Variants in PLPP4 observed in about 807,000 individuals in gnomAD.
PLPP4 encodes the protein phospholipid phosphatase 4.
A neutral mutation model predicts 32.2 loss-of-function variants in PLPP4; 20 were observed. The ratio of observed to expected loss-of-function variants is 0.62; its 90% CI spans 0.44 to 0.90. The LOEUF is 0.90. Ranked by LOEUF, PLPP4 falls within the 40% of genes least tolerant of loss-of-function variation. PLPP4 has a pLI of 0.00. For missense variants in PLPP4, 257 were observed against 353.1 expected (o/e 0.73, Z 2.18); for synonymous variants, 127 against 133.0 (o/e 0.95, Z 0.31).
chr10:120,497,025 TA>T (rs1278887316), intron 1 of PLPP4, among the ~76,000 whole-genome samples: 1 of 151,946 alleles, frequency 6.6e-6, no homozygotes, highest in East Asian at 1.9e-4. Context: ...GGGATCCTCC[TA>T]GGGGGTAGGA....
chr10:120,588,125 C>T (rs571564243), intron 6 of PLPP4, among the ~76,000 whole-genome samples: 7 of 152,200 alleles, frequency 4.6e-5, no homozygotes, highest in Admixed American at 4.6e-4. Context: ...GAAGTCTGTA[C>T]GGTTCAACAA....
rs553031956 is a variant in PLPP4, at chr10:120,590,894, A to G, written c.*1392A>G. On this transcript the variant is annotated 3_prime_UTR_variant, in exon 7 of 7. Transcript: ENST00000398250. ...AGCTATTCTCGTGCCTCAGCCTCCC[A>G]AGTAGCTAGGACTACAGGTGCCCGC... Among the ~76,000 whole-genome samples, 7 of 150,808 alleles carry G rather than the reference A, an allele frequency of 4.6e-5. No individual in the cohort carries two copies. The East Asian group carries it at 1.4e-3, about 30-fold the overall frequency.
At chr10:120,457,139 C>G (rs1229483274), upstream of PLPP4, 1 of 289,808 alleles carries the variant, frequency 3.5e-6, no homozygotes, top group East Asian at 7.4e-5. Context: ...GAGGTTTAGG[C>G]TGAGCCCTCC....
At position 120,545,185 on chromosome 10, in the gene PLPP4, G is replaced by A. The variant is rs1026202772; in HGVS notation, c.445+24090G>A. 3.3e-5 allele frequency among the ~76,000 whole-genome samples: 5 copies of A among 152,370 alleles called. No individual in the cohort carries two copies. In the East Asian group the frequency reaches 9.6e-4, roughly 29 times the overall value. On this transcript the variant is annotated intron_variant, in intron 5 of 6. Coordinates refer to ENST00000398250, the MANE Select transcript of PLPP4 (RefSeq NM_001030059.3). ...AGCCACTTAGCCAGCACCTGCCATT[G>A]CCCAATTCCAAATCCATTTGCTCTT...
chr10:120,568,077 C>T (rs915682612), intron 5 of PLPP4, among the ~76,000 whole-genome samples: 9 of 152,200 alleles, frequency 5.9e-5, no homozygotes, highest in African/African-American at 2.2e-4. Flanking sequence ...TCTTGAGTTA[C>T]AAAAATAAGG....
intron 5 of PLPP4, among the ~76,000 whole-genome samples, chr10:120,558,304 A>G (rs1301137245): frequency 3.9e-5 from 6 of 151,958 alleles, no homozygotes; most frequent in Non-Finnish European, 8.8e-5. Flanking sequence ...AGGGAGTCAC[A>G]CAGCATATGT....
intron 5 of PLPP4, among the ~76,000 whole-genome samples, chr10:120,536,089 A>G (rs79970748): frequency 0.051 from 7,753 of 152,226 alleles, 234 homozygotes; most frequent in Admixed American, 0.097. Flanking sequence ...TGAAGAATCA[A>G]TATTGTCAAG....
At chr10:120,509,610 A>G (rs1845646067) in intron 2 of PLPP4, among the ~76,000 whole-genome samples, 1 of 152,160 alleles carries the variant, frequency 6.6e-6, no homozygotes, top group South Asian at 2.1e-4. Context: ...ACTCCAACCC[A>G]GGAGCATGGC....
At chr10:120,530,763 T>A (rs569739356) in intron 5 of PLPP4, among the ~76,000 whole-genome samples, 1 of 152,330 alleles carries the variant, frequency 6.6e-6, no homozygotes, top group East Asian at 1.9e-4. Flanking sequence ...TCAGTTGGCA[T>A]TCTCATGGGC....
chr10:120,578,989 AGAAAG>A (rs527710425), intron 6 of PLPP4, among the ~76,000 whole-genome samples: 116 of 152,358 alleles, frequency 7.6e-4, no homozygotes, highest in South Asian at 5.4e-3. Flanking sequence ...ATAAATGCAG[AGAAAG>A]AGCAGAGCAT....
chr10:120,467,492 A>G lies in PLPP4; in HGVS notation c.56+10131A>G, dbSNP rs1848380443. Among the ~76,000 whole-genome samples the G allele has an allele frequency of 3.1e-5, 2 of 64,538 alleles. 1 individual carries two copies. The highest frequency in any genetic ancestry group is 9.0e-5 in the Non-Finnish European group (2 of 22,214). The allele number at this position is 64,538 out of a possible 152,430, so 42.3% of individuals were successfully genotyped here. On this transcript the variant is annotated intron_variant, in intron 1 of 6. Coordinates refer to ENST00000398250, the MANE Select transcript of PLPP4 (RefSeq NM_001030059.3). ...CTAGCTACTAAGGAAGAACACTTCA[A>G]TGCCTACCATGTGCCACCTTTGTAC...
intron 1 of PLPP4, among the ~76,000 whole-genome samples, chr10:120,465,544 C>G (rs1848271627): frequency 6.6e-6 from 1 of 152,230 alleles, no homozygotes; most frequent in African/African-American, 2.4e-5. Context: ...AGGTAGCAGT[C>G]TGCCAGTCAA....
At chr10:120,571,235 T>C (rs1347584616) in intron 5 of PLPP4, among the ~76,000 whole-genome samples, 1 of 152,052 alleles carries the variant, frequency 6.6e-6, no homozygotes, top group Non-Finnish European at 1.5e-5. Flanking sequence ...TTTCTACTTA[T>C]ATTTCTGTTG....
chr10:120,515,679 A>G (rs1845908130), intron 3 of PLPP4, among the ~76,000 whole-genome samples: 1 of 152,162 alleles, frequency 6.6e-6, no homozygotes, highest in African/African-American at 2.4e-5. Flanking sequence ...TTCTCCAAGG[A>G]TTCAGGTAGG....
At chr10:120,587,698 T>G (rs1266105183) in intron 6 of PLPP4, among the ~76,000 whole-genome samples, 1 of 152,222 alleles carries the variant, frequency 6.6e-6, no homozygotes, top group East Asian at 1.9e-4. Flanking sequence ...GACTGATAGG[T>G]GCAATGCACG....
intron 1 of PLPP4, among the ~76,000 whole-genome samples, chr10:120,497,129 G>C (rs1482623779): frequency 6.6e-6 from 1 of 152,000 alleles, no homozygotes; most frequent in East Asian, 1.9e-4. Flanking sequence ...CTGCTTGTAG[G>C]TGAAGATTCA....
chr10:120,562,267 T>G (rs1244033300), intron 5 of PLPP4, among the ~76,000 whole-genome samples: 1 of 152,194 alleles, frequency 6.6e-6, no homozygotes, highest in African/African-American at 2.4e-5. Context: ...GCTGGTGACT[T>G]TGGTATATTA....
At chr10:120,550,539 A>G (rs2133984497) in intron 5 of PLPP4, among the ~76,000 whole-genome samples, 1 of 152,112 alleles carries the variant, frequency 6.6e-6, no homozygotes, top group East Asian at 1.9e-4. Flanking sequence ...GTTCTTATAA[A>G]GTTATAGTGA....
At chr10:120,527,915 CTTA>C (rs986806266) in intron 5 of PLPP4, among the ~76,000 whole-genome samples, 1 of 149,932 alleles carries the variant, frequency 6.7e-6, no homozygotes, top group Non-Finnish European at 1.5e-5. Context: ...CCAGCTGGTT[CTTA>C]GAGTGGTTGG....
Sources: allele counts gnomAD v4.1 joint callset (sites outside exome capture counted in the v4.1 genomes callset), GRCh38; gene constraint gnomAD v4.1.1; transcripts MANE v1.5; gene names NCBI Gene and HGNC (gene_info 2026-07-23, HGNC 2026-07-21).